OSBPL8: variants seen among roughly 807,000 people sequenced by gnomAD.
OSBPL8 encodes the protein oxysterol binding protein like 8.
A neutral mutation model predicts 125.5 loss-of-function variants in OSBPL8; 59 were observed. That is an observed-to-expected ratio of 0.47 (90% CI 0.38 to 0.58). The LOEUF is 0.58. Among genes scored for constraint, OSBPL8 ranks in the 20% least tolerant of loss-of-function variants. OSBPL8 has a pLI of 0.00. For missense variants in OSBPL8, 758 were observed against 1,047.8 expected (o/e 0.72, Z 3.82); for synonymous variants, 330 against 338.9 (o/e 0.97, Z 0.29).
At chr12:76,478,746 G>A (rs1317711125) in intron 2 of OSBPL8, among the ~76,000 whole-genome samples, 1 of 152,146 alleles carries the variant, frequency 6.6e-6, no homozygotes, top group Non-Finnish European at 1.5e-5. Context: ...AAATATTTAA[G>A]TACTGCTAAC....
chr12:76,392,824 T>A, intron 9 of OSBPL8, 72 bp from the exon 10 acceptor site: 1 of 1,405,726 alleles, frequency 7.1e-7, no homozygotes. Flanking sequence ...TAACTTACCC[T>A]GTTACCACTA....
At chr12:76,387,511 A>C (rs1295487803) in intron 12 of OSBPL8, among the ~76,000 whole-genome samples, 4 of 152,292 alleles carry the variant, frequency 2.6e-5, no homozygotes, top group Non-Finnish European at 4.4e-5. Flanking sequence ...CCCTCCATAC[A>C]ATTCTGCTTT....
intron 1 of OSBPL8, among the ~76,000 whole-genome samples, chr12:76,491,208 C>T (rs538084943): frequency 2.0e-5 from 3 of 152,280 alleles, no homozygotes; most frequent in South Asian, 4.1e-4. Flanking sequence ...ATTTAGAATA[C>T]TACATAAATT....
At chr12:76,426,133 A>G (rs1870122624) in intron 4 of OSBPL8, among the ~76,000 whole-genome samples, 1 of 152,230 alleles carries the variant, frequency 6.6e-6, no homozygotes, top group African/African-American at 2.4e-5. Flanking sequence ...GGAGTCTAAT[A>G]TTTGTAACAA....
At chr12:76,408,184 G>A (rs997971097) in intron 5 of OSBPL8, among the ~76,000 whole-genome samples, 15 of 148,920 alleles carry the variant, frequency 1.0e-4, no homozygotes, top group African/African-American at 3.2e-4. Flanking sequence ...ATTAATGGCC[G>A]GGCACGGTGA....
At chr12:76,390,378 G>T in intron 11 of OSBPL8, 42 bp downstream of exon 11, 2 of 1,365,722 alleles carry the variant, frequency 1.5e-6, no homozygotes, top group Non-Finnish European at 2.0e-6. Flanking sequence ...GAATTCCCAA[G>T]AATATGAAAA....
At chr12:76,459,824 T>C in intron 3 of OSBPL8, 35 bp downstream of exon 3, 1 of 1,611,920 alleles carries the variant, frequency 6.2e-7, no homozygotes, top group Non-Finnish European at 8.5e-7. Context: ...TATTATCATG[T>C]CCCCAAACAT....
intron 1 of OSBPL8, among the ~76,000 whole-genome samples, chr12:76,510,898 AT>A (rs1228759513): frequency 7.1e-6 from 1 of 140,906 alleles, no homozygotes; most frequent in African/African-American, 2.8e-5. Flanking sequence ...AAAAAAAAAA[AT>A]ATATTTACCT....
chr12:76,454,806 T>C (rs1393623027), intron 3 of OSBPL8, among the ~76,000 whole-genome samples: 8 of 149,284 alleles, frequency 5.4e-5, no homozygotes, highest in Non-Finnish European at 8.9e-5. Context: ...TCTTTTAAAA[T>C]TGAAAACCAA....
At chr12:76,372,557 A>T (rs917777660) in intron 18 of OSBPL8, among the ~76,000 whole-genome samples, 5 of 151,986 alleles carry the variant, frequency 3.3e-5, no homozygotes, top group African/African-American at 7.2e-5. Flanking sequence ...TAAGGCAATT[A>T]AAAAAAATTT....
chr12:76,377,352 C>T (rs569278859), intron 16 of OSBPL8, among the ~76,000 whole-genome samples: 59 of 152,288 alleles, frequency 3.9e-4, no homozygotes, highest in African/African-American at 1.1e-3. Context: ...GATAGCCACA[C>T]CGTCTTCCAC....
intron 1 of OSBPL8, among the ~76,000 whole-genome samples, chr12:76,555,819 A>C (rs574895713): frequency 6.6e-6 from 1 of 152,364 alleles, no homozygotes; most frequent in South Asian, 2.1e-4. Context: ...AAAGCAAGTT[A>C]ATCTTTTTAT....
intron 4 of OSBPL8, among the ~76,000 whole-genome samples, chr12:76,447,037 T>C (rs1188900500): frequency 6.6e-6 from 1 of 152,204 alleles, no homozygotes; most frequent in Non-Finnish European, 1.5e-5. Context: ...AGTGATGATC[T>C]TGTCTTTAAA....
chr12:76,371,239 T>C, intron 19 of OSBPL8: 1 of 417,506 alleles, frequency 2.4e-6, no homozygotes, highest in Non-Finnish European at 4.0e-6. Flanking sequence ...AAGAAAAAAA[T>C]GAGTAGTTTT....
chr12:76,468,102 AGGCAG>A (rs1875684750), intron 2 of OSBPL8, among the ~76,000 whole-genome samples: 1 of 152,212 alleles, frequency 6.6e-6, no homozygotes, highest in African/African-American at 2.4e-5. Context: ...TATAGACATA[AGGCAG>A]AATTACTTAT....
intron 2 of OSBPL8, among the ~76,000 whole-genome samples, chr12:76,463,544 T>C (rs1874999537): frequency 6.6e-6 from 1 of 152,196 alleles, no homozygotes; most frequent in South Asian, 2.1e-4. Context: ...AGTTATGTTA[T>C]ATGACCTGAA....
chr12:76,358,712 T>C lies in OSBPL8; in HGVS notation c.2428A>G (p.Ser810Gly). The change falls in exon 22 of 24, where the codon AGT becomes GGT. Residue 810 changes from serine to glycine, a missense_variant. By Grantham distance (56) the Ser-to-Gly change is moderately conservative (BLOSUM62 0). This residue lies in a region of OSBPL8 where 572 missense variants were observed against 762.0 expected (regional missense o/e 0.75). Coordinates refer to ENST00000261183, the MANE Select transcript of OSBPL8 (RefSeq NM_020841.5). ...CTGCAATAAATATTTTTACCTTCACTTCCAGAGGAGTCTTGAATGTCAGGT... is the reference window on the plus strand; with the variant it reads ...CTGCAATAAATATTTTTACCTTCACCTCCAGAGGAGTCTTGAATGTCAGGT... ...PEPDIQDSSG[S>G]EAQSVKPSTR... 6.2e-7 allele frequency: 1 copy of C among 1,607,844 alleles called. No homozygotes were observed. The highest frequency in any genetic ancestry group is 8.5e-7 in the Non-Finnish European group (1 of 1,174,228).
intron 1 of OSBPL8, among the ~76,000 whole-genome samples, chr12:76,525,250 T>A (rs1950140770): frequency 6.6e-6 from 1 of 152,152 alleles, no homozygotes; most frequent in Non-Finnish European, 1.5e-5. Flanking sequence ...TTTCCTGATA[T>A]TTTACAGGAT....
At chr12:76,479,646 C>A (rs1016182409) in intron 2 of OSBPL8, among the ~76,000 whole-genome samples, 1 of 152,126 alleles carries the variant, frequency 6.6e-6, no homozygotes, top group Admixed American at 6.5e-5. Context: ...TTGATCTGTG[C>A]AAGCCTCTAA....
Sources: allele counts gnomAD v4.1 joint callset (sites outside exome capture counted in the v4.1 genomes callset), GRCh38; gene constraint gnomAD v4.1.1; regional missense constraint gnomAD v4.1.1; transcripts MANE v1.5; gene names NCBI Gene and HGNC (gene_info 2026-07-23, HGNC 2026-07-21).